Variants in SLC4A10 observed in about 807,000 individuals in gnomAD.
SLC4A10 encodes the protein sodium-driven chloride bicarbonate exchanger.
In SLC4A10, 42 loss-of-function variants were observed where a neutral mutation model predicts 137.7. The ratio of observed to expected loss-of-function variants is 0.30; its 90% CI spans 0.24 to 0.39. The LOEUF (loss-of-function observed/expected upper bound fraction) is 0.39. SLC4A10 is among the 10% of genes least tolerant of loss of function. The pLI is 1.00. For missense variants in SLC4A10, 925 were observed against 1,355.0 expected, an observed-to-expected ratio of 0.68 and a Z score of 4.98; for synonymous variants, 474 against 464.1, an observed-to-expected ratio of 1.02 and a Z score of -0.27.
intron 4 of SLC4A10, among the ~76,000 whole-genome samples, chr2:161,842,287 T>A: frequency 6.6e-6 from 1 of 152,212 alleles, no homozygotes; most frequent in Admixed American, 6.5e-5. Flanking sequence ...TTTTCTAATT[T>A]ACACTTCTAT....
At chr2:161,730,654 A>G (rs1448880781) in intron 1 of SLC4A10, among the ~76,000 whole-genome samples, 1 of 152,232 alleles carries the variant, frequency 6.6e-6, no homozygotes, top group African/African-American at 2.4e-5. Flanking sequence ...GGTGTGTCGT[A>G]GTTGGATATG....
intron 3 of SLC4A10, among the ~76,000 whole-genome samples, chr2:161,823,521 C>A (rs1009002056): frequency 2.0e-5 from 3 of 152,180 alleles, no homozygotes; most frequent in Non-Finnish European, 4.4e-5. Flanking sequence ...TTGAATATAA[C>A]CACGGAACCC....
intron 1 of SLC4A10, among the ~76,000 whole-genome samples, chr2:161,704,147 A>G (rs1020219659): frequency 2.0e-5 from 3 of 150,798 alleles, no homozygotes; most frequent in African/African-American, 7.3e-5. Context: ...TATCTAACTA[A>G]CAATGATTAG....
chr2:161,698,997 G>A (rs1341736633), intron 1 of SLC4A10, among the ~76,000 whole-genome samples: 1 of 151,988 alleles, frequency 6.6e-6, no homozygotes, highest in Non-Finnish European at 1.5e-5. Context: ...CCTGTTATTG[G>A]TCCATTCAGT....
chr2:161,912,321 C>A (rs1686054264), intron 15 of SLC4A10, among the ~76,000 whole-genome samples: 1 of 152,062 alleles, frequency 6.6e-6, no homozygotes. Flanking sequence ...ACAGTGGTTT[C>A]TTGGTTTCTT....
chr2:161,878,992 C>T (rs1309994473), intron 8 of SLC4A10, 139 bp from the exon 9 acceptor site: 3 of 656,264 alleles, frequency 4.6e-6, no homozygotes, highest in East Asian at 6.3e-5. Flanking sequence ...AGAAAAAGGG[C>T]AAATGAGATG....
At chr2:161,942,754 C>G (rs1692949072) in intron 15 of SLC4A10, 38 bp from the exon 16 acceptor site, 18 of 1,500,440 alleles carry the variant, frequency 1.2e-5, no homozygotes, top group Non-Finnish European at 1.6e-5. Context: ...TCACAAAAAG[C>G]TACTTATTTC....
chr2:161,752,653 T>C (rs1450903584), intron 1 of SLC4A10, among the ~76,000 whole-genome samples: 1 of 152,146 alleles, frequency 6.6e-6, no homozygotes, highest in East Asian at 1.9e-4. Flanking sequence ...AAAAAAATCT[T>C]GTCATTTGCA....
At chr2:161,930,589 A>G (rs981630887) in intron 15 of SLC4A10, among the ~76,000 whole-genome samples, 3 of 151,122 alleles carry the variant, frequency 2.0e-5, no homozygotes, top group African/African-American at 7.3e-5. Flanking sequence ...GAATTCATAG[A>G]AACTCAGGGG....
At chr2:161,942,058 A>G (rs1692803459) in intron 15 of SLC4A10, among the ~76,000 whole-genome samples, 1 of 152,188 alleles carries the variant, frequency 6.6e-6, no homozygotes, top group Non-Finnish European at 1.5e-5. Flanking sequence ...TTGCTTAGGC[A>G]GACCAAGTAG....
intron 4 of SLC4A10, among the ~76,000 whole-genome samples, chr2:161,845,448 C>G (rs999713280): frequency 6.6e-6 from 1 of 151,988 alleles, no homozygotes; most frequent in Non-Finnish European, 1.5e-5. Context: ...ATGGGTACAT[C>G]AAACCATCCA....
chr2:161,693,880 T>G (rs910665970), intron 1 of SLC4A10, among the ~76,000 whole-genome samples: 3 of 151,920 alleles, frequency 2.0e-5, no homozygotes, highest in African/African-American at 7.2e-5. Context: ...CATCCATGGA[T>G]GCTTAGGTTG....
At chr2:161,656,884 T>C (rs920886310) in intron 1 of SLC4A10, among the ~76,000 whole-genome samples, 3 of 152,120 alleles carry the variant, frequency 2.0e-5, no homozygotes, top group African/African-American at 7.2e-5. Flanking sequence ...TTTCATTTGG[T>C]TCTCATAAAA....
chr2:161,734,808 C>A (rs1334824645), intron 1 of SLC4A10, among the ~76,000 whole-genome samples: 1 of 151,988 alleles, frequency 6.6e-6, no homozygotes, highest in Non-Finnish European at 1.5e-5. Context: ...TGTGCCTCCA[C>A]CCGAATCATA....
intron 4 of SLC4A10, 133 bp downstream of exon 4, chr2:161,840,060 G>A: frequency 1.9e-6 from 2 of 1,072,146 alleles, no homozygotes; most frequent in Non-Finnish European, 2.7e-6. Flanking sequence ...TCTAGCCTGA[G>A]CATATCCTAT....
intron 1 of SLC4A10, among the ~76,000 whole-genome samples, chr2:161,740,330 C>T (rs13392556): frequency 0.27 from 41,176 of 152,016 alleles, 7,215 homozygotes; most frequent in Non-Finnish European, 0.4. Context: ...AGTTCTAGCT[C>T]CCTGCTTGTA....
At chr2:161,711,082 C>G (rs558357148) in intron 1 of SLC4A10, among the ~76,000 whole-genome samples, 1 of 151,872 alleles carries the variant, frequency 6.6e-6, no homozygotes, top group African/African-American at 2.4e-5. Context: ...CATTATGCAT[C>G]CCATAACTTT....
chr2:161,637,464 G>T (rs532648846), intron 1 of SLC4A10, among the ~76,000 whole-genome samples: 4 of 152,088 alleles, frequency 2.6e-5, no homozygotes, highest in African/African-American at 9.7e-5. Context: ...GCTTCCCAAA[G>T]TGCTGTGATT....
At chr2:161,670,614 A>G (rs1173169389) in intron 1 of SLC4A10, among the ~76,000 whole-genome samples, 3 of 152,062 alleles carry the variant, frequency 2.0e-5, no homozygotes, top group Non-Finnish European at 4.4e-5. Context: ...GATATTTATA[A>G]TACAGGTTTA....
Sources: allele counts gnomAD v4.1 joint callset (sites outside exome capture counted in the v4.1 genomes callset), GRCh38; gene constraint gnomAD v4.1.1; transcripts MANE v1.5; gene names NCBI Gene and HGNC (gene_info 2026-07-23, HGNC 2026-07-21).